Variants in VDAC1 observed in about 807,000 individuals in gnomAD.
VDAC1 encodes the protein voltage dependent anion channel 1.
A neutral mutation model predicts 34.7 loss-of-function variants in VDAC1; 10 were observed. The observed-to-expected ratio is 0.29, with a 90% CI of 0.18 to 0.49. The LOEUF (loss-of-function observed/expected upper bound fraction) is 0.49, where lower values mean the gene tolerates loss of function less well. Among genes scored for constraint, VDAC1 ranks in the 20% least tolerant of loss-of-function variants. The probability of loss-of-function intolerance (pLI) is 0.99; values close to 1 mark genes in which losing one functional copy is unlikely to be tolerated. For synonymous variants in VDAC1, 130 were observed against 136.0 expected (o/e 0.96, Z 0.30); for missense variants, 230 against 347.9 (o/e 0.66, Z 2.69).
intron 1 of VDAC1, among the ~76,000 whole-genome samples, chr5:133,998,209 T>C (rs887507483): frequency 6.6e-6 from 1 of 152,134 alleles, no homozygotes; most frequent in Non-Finnish European, 1.5e-5. Flanking sequence ...TGGGAAAGCA[T>C]GTGGAAGGAT....
rs1753161639 is a variant in VDAC1, at chr5:133,992,950, G to A, written c.63C>T (p.Gly21=). 3.7e-6 allele frequency: 6 copies of A among 1,613,526 alleles called. No homozygotes were observed. The highest frequency in any genetic ancestry group is 5.1e-6 in the Non-Finnish European group (6 of 1,179,708). ...GKSARDVFTK[G]YGFGLIKLDL... ...CCCCCTCTCTGCAACACTCACCATA[G>A]CCCTTGGTGAAGACATCCCTGGCAG... The change falls in exon 2 of 9, where the codon GGC becomes GGT. Residue 21 remains glycine (G), a synonymous_variant. Coordinates refer to ENST00000265333, the MANE Select transcript of VDAC1 (RefSeq NM_003374.3).
At chr5:134,014,838 C>T in the VDAC1 span, among the ~76,000 whole-genome samples, 1 of 152,206 alleles carries the variant, frequency 6.6e-6, no homozygotes, top group South Asian at 2.1e-4. Flanking sequence ...TGCACTCCAA[C>T]TTGGGCAACA....
chr5:134,034,455 C>G, the VDAC1 span, among the ~76,000 whole-genome samples: 21 of 152,274 alleles, frequency 1.4e-4, no homozygotes, highest in Admixed American at 1.2e-3. Flanking sequence ...ATGCGTGACA[C>G]AGGCCCTGCC....
At chr5:134,042,196 G>A in the VDAC1 span, among the ~76,000 whole-genome samples, 3 of 152,194 alleles carry the variant, frequency 2.0e-5, no homozygotes, top group Non-Finnish European at 4.4e-5. Flanking sequence ...GTCAACAGCT[G>A]CCATGGTGGG....
At chr5:134,082,296 G>T in the VDAC1 span, among the ~76,000 whole-genome samples, 1 of 152,128 alleles carries the variant, frequency 6.6e-6, no homozygotes, top group East Asian at 1.9e-4. Context: ...GTTTTCTAGA[G>T]TCTTGTATAA....
At chr5:134,078,713 C>A in the VDAC1 span, among the ~76,000 whole-genome samples, 2 of 141,494 alleles carry the variant, frequency 1.4e-5, no homozygotes, top group Non-Finnish European at 3.0e-5. Context: ...TGCAATGGCA[C>A]GATCTTGGCT....
At chr5:134,109,840 G>A in the VDAC1 span, among the ~76,000 whole-genome samples, 9 of 151,756 alleles carry the variant, frequency 5.9e-5, no homozygotes, top group South Asian at 1.7e-3. Flanking sequence ...GCCCAAAGAA[G>A]GCAGAGGACT....
chr5:134,063,995 A>ATTTTTTTT, the VDAC1 span, among the ~76,000 whole-genome samples: 14 of 86,518 alleles, frequency 1.6e-4, no homozygotes, highest in South Asian at 9.1e-4. Context: ...ACCTGTACTA[A>ATTTTTTTT]TTTTTTTTTT....
At chr5:133,999,368 G>A (rs1394841682) in intron 1 of VDAC1, among the ~76,000 whole-genome samples, 1 of 152,106 alleles carries the variant, frequency 6.6e-6, no homozygotes, top group African/African-American at 2.4e-5. Flanking sequence ...AGAAGTATCT[G>A]GCATGGAGTA....
the VDAC1 span, among the ~76,000 whole-genome samples, chr5:134,031,713 G>T: frequency 6.0e-4 from 91 of 152,164 alleles, no homozygotes; most frequent in Non-Finnish European, 1.0e-3. Context: ...CACTTTGGGA[G>T]GCTGAGGCAG....
chr5:133,973,698 A>C lies in VDAC1; in HGVS notation c.760+93T>G. On this transcript the variant is annotated intron_variant, in intron 8 of 8. Coordinates refer to ENST00000265333, the MANE Select transcript of VDAC1 (RefSeq NM_003374.3). ...CATTTATATATACCCACTGTATTAT[A>C]TAAACATTTTATAAGCAATGACATA... 9 of 1,186,822 alleles carry C rather than the reference A, an allele frequency of 7.6e-6. No individual in the cohort carries two copies. The South Asian group carries it at 1.2e-4, about 16-fold the overall frequency. The allele number at this position is 1,186,822 out of a possible 1,614,324, so 73.5% of individuals were successfully genotyped here. A position where few individuals can be genotyped will look rare whatever the true frequency, so the allele number is the denominator to read the frequency against.
At chr5:134,016,136 G>T in the VDAC1 span, among the ~76,000 whole-genome samples, 2 of 152,186 alleles carry the variant, frequency 1.3e-5, no homozygotes, top group Non-Finnish European at 2.9e-5. Context: ...GCCGGGTGTG[G>T]TATTAAAATC....
chr5:134,071,282 AG>A, the VDAC1 span, among the ~76,000 whole-genome samples: 1 of 152,100 alleles, frequency 6.6e-6, no homozygotes, highest in African/African-American at 2.4e-5. The surrounding 1 kb of genome is among the most constrained non-coding windows in gnomAD (Gnocchi z 4.1). Context: ...GCCGTGCGGG[AG>A]GGGGCAGCCA....
At chr5:134,036,533 G>T in the VDAC1 span, among the ~76,000 whole-genome samples, 1 of 152,092 alleles carries the variant, frequency 6.6e-6, no homozygotes, top group Non-Finnish European at 1.5e-5. Flanking sequence ...AAGGACATTA[G>T]TAGGTCAAGT....
At chr5:134,009,347 C>T (rs190641065), upstream of VDAC1, among the ~76,000 whole-genome samples, 1,040 of 150,060 alleles carry the variant, frequency 6.9e-3, 5 homozygotes, top group Non-Finnish European at 0.011. Flanking sequence ...CCTCCGCCTC[C>T]CAGGTCCTGG....
At chr5:134,046,819 C>T in the VDAC1 span, among the ~76,000 whole-genome samples, 1 of 152,354 alleles carries the variant, frequency 6.6e-6, no homozygotes, top group East Asian at 1.9e-4. Flanking sequence ...CACTCTACAC[C>T]TACCAGTGGG....
At chr5:134,079,389 G>C in the VDAC1 span, among the ~76,000 whole-genome samples, 2 of 152,234 alleles carry the variant, frequency 1.3e-5, no homozygotes, top group Non-Finnish European at 2.9e-5. Flanking sequence ...GGGACCAGGG[G>C]TCTGGACTAA....
chr5:134,054,401 C>T, the VDAC1 span, among the ~76,000 whole-genome samples: 1 of 151,828 alleles, frequency 6.6e-6, no homozygotes, highest in African/African-American at 2.4e-5. Flanking sequence ...GAGAACTGAC[C>T]ATAGTCTGTC....
chr5:134,047,982 A>G, the VDAC1 span, among the ~76,000 whole-genome samples: 30 of 143,316 alleles, frequency 2.1e-4, no homozygotes, highest in South Asian at 5.3e-3. Flanking sequence ...CTGCACCACT[A>G]CACTCCAGCC....
Sources: gnomAD v4.1 joint callset for allele counts (sites outside exome capture counted in the v4.1 genomes callset) on GRCh38, gnomAD v4.1.1 for gene constraint, Gnocchi (gnomAD v3.1) non-coding constraint, MANE v1.5 for transcripts, NCBI Gene and HGNC (gene_info 2026-07-23, HGNC 2026-07-21) for gene names.